CFAP58: variants seen among roughly 807,000 people sequenced by gnomAD.
CFAP58 encodes cilia and flagella associated protein 58.
Under a neutral mutation model 119.5 loss-of-function variants are expected in CFAP58, and 88 were observed. The observed-to-expected ratio is 0.74, with a 90% CI of 0.62 to 0.88. CFAP58 has a LOEUF of 0.88. CFAP58 is among the 40% of genes least tolerant of loss of function. The pLI is 0.00. For synonymous variants in CFAP58, 365 were observed against 366.3 expected, an observed-to-expected ratio of 1.00 and a Z score of 0.04; for missense variants, 990 against 1,021.2, an observed-to-expected ratio of 0.97 and a Z score of 0.42.
At chr10:104,382,303 T>G in intron 9 of CFAP58, 1 of 664,282 alleles carries the variant, frequency 1.5e-6, no homozygotes, top group Middle Eastern at 2.6e-4. Context: ...AGTGTGGTCC[T>G]CCTTAGGGAG....
chr10:104,345,033 G>A, the CFAP58 span, among the ~76,000 whole-genome samples: 7 of 151,992 alleles, frequency 4.6e-5, no homozygotes, highest in Non-Finnish European at 7.4e-5. Context: ...CTATAGCCCA[G>A]CTACTCGGGA....
chr10:104,340,150 A>G, the CFAP58 span, among the ~76,000 whole-genome samples: 3 of 152,118 alleles, frequency 2.0e-5, no homozygotes, highest in African/African-American at 7.2e-5. Context: ...GTCTGTTCTA[A>G]GGTCCACCCT....
At chr10:104,441,283 G>A (rs1245859530) in intron 15 of CFAP58, among the ~76,000 whole-genome samples, 1 of 152,192 alleles carries the variant, frequency 6.6e-6, no homozygotes, top group African/African-American at 2.4e-5. Context: ...GATTACAGGC[G>A]TGAGCCACCG....
chr10:104,388,539 C>T (rs572277783), intron 9 of CFAP58, among the ~76,000 whole-genome samples: 11 of 152,242 alleles, frequency 7.2e-5, no homozygotes, highest in Non-Finnish European at 1.2e-4. Context: ...CAAGCCAGGG[C>T]GCATAGTTGT....
intron 1 of CFAP58, among the ~76,000 whole-genome samples, chr10:104,355,067 C>T (rs2014525824): frequency 1.3e-5 from 2 of 152,238 alleles, no homozygotes; most frequent in African/African-American, 2.4e-5. Flanking sequence ...ATCCATCTTC[C>T]TCACGCCTGG....
chr10:104,449,560 G>A (rs2013163149), intron 16 of CFAP58, among the ~76,000 whole-genome samples: 1 of 152,250 alleles, frequency 6.6e-6, no homozygotes, highest in South Asian at 2.1e-4. Flanking sequence ...GAGGGGATAG[G>A]CATTCAGCAG....
At chr10:104,386,387 A>AT (rs902152307) in intron 9 of CFAP58, among the ~76,000 whole-genome samples, 75 of 148,514 alleles carry the variant, frequency 5.1e-4, no homozygotes, top group African/African-American at 1.2e-3. Flanking sequence ...CAAAAAAAAA[A>AT]AAATAAATAA....
At chr10:104,355,431 C>T (rs184161167) in intron 1 of CFAP58, among the ~76,000 whole-genome samples, 2 of 152,298 alleles carry the variant, frequency 1.3e-5, no homozygotes, top group African/African-American at 2.4e-5. Flanking sequence ...TTTCCATTTC[C>T]CTCTTTCTGT....
intron 7 of CFAP58, among the ~76,000 whole-genome samples, chr10:104,375,989 A>G (rs1055681693): frequency 2.0e-5 from 3 of 152,022 alleles, no homozygotes; most frequent in Non-Finnish European, 4.4e-5. Flanking sequence ...TTCTTATTGG[A>G]CCTAAAAGGG....
At chr10:104,358,022 T>C (rs532133064) in intron 1 of CFAP58, among the ~76,000 whole-genome samples, 1,706 of 76,626 alleles carry the variant, frequency 0.022, 95 homozygotes, top group African/African-American at 0.069. Flanking sequence ...TATATGTACA[T>C]ATATATACAT....
chr10:104,374,846 C>CAAAAA (rs56074829), intron 7 of CFAP58, among the ~76,000 whole-genome samples: 1 of 101,518 alleles, frequency 9.9e-6, no homozygotes, highest in African/African-American at 3.8e-5. Context: ...CTTATAACTG[C>CAAAAA]AAAAAAAAAA....
At chr10:104,381,418 A>T (rs1168852694) in intron 9 of CFAP58, among the ~76,000 whole-genome samples, 1 of 152,114 alleles carries the variant, frequency 6.6e-6, no homozygotes, top group East Asian at 1.9e-4. Flanking sequence ...TGGTCTAGGA[A>T]TGGGGTGGGA....
intron 2 of CFAP58, 26 bp downstream of exon 2, chr10:104,358,648 G>T: frequency 6.3e-7 from 1 of 1,590,094 alleles, no homozygotes; most frequent in Non-Finnish European, 8.6e-7. Flanking sequence ...GAAATGGAAT[G>T]AACCTGAATT....
chr10:104,454,652 T>C lies in CFAP58; in HGVS notation c.*122T>C, dbSNP rs947504079. The C allele has an allele frequency of 2.4e-5, 17 of 708,730 alleles. No individual in the cohort carries two copies. Among genetic ancestry groups the C allele is most frequent in the Non-Finnish European group, 3.7e-5 (15 of 402,020 alleles). The allele number at this position is 708,730 out of a possible 1,614,324, so 43.9% of individuals were successfully genotyped here. A position where few individuals can be genotyped will look rare whatever the true frequency, so the allele number is the denominator to read the frequency against. Reference sequence around the variant, plus strand: ...GCTGAGAATCCAGGATGGAAAGAAATGCAGAACTATCATAGTCACATACAT... The same window carrying C: ...GCTGAGAATCCAGGATGGAAAGAAACGCAGAACTATCATAGTCACATACAT... On this transcript the variant is annotated 3_prime_UTR_variant, in exon 18 of 18. Coordinates refer to ENST00000369704, the MANE Select transcript of CFAP58 (RefSeq NM_001008723.2).
Position 104,394,219 on chromosome 10 carries a change from A to G in CFAP58, c.1674+744A>G, listed in dbSNP as rs568740659. ...TTCACTATACACACCACTAAACCTA[A>G]TGTATTTTTCTTTTTCCTATCCAGT... is the stretch of plus-strand genomic sequence containing the variant. On this transcript the variant is annotated intron_variant, in intron 11 of 17. Transcript: ENST00000369704. Among the ~76,000 whole-genome samples, 11 of 152,318 alleles carry G rather than the reference A, an allele frequency of 7.2e-5. No individual in the cohort carries two copies. In the East Asian group the frequency reaches 1.9e-3, roughly 27 times the overall value.
At chr10:104,379,587 T>C (rs1564885285) in intron 8 of CFAP58, among the ~76,000 whole-genome samples, 3 of 152,208 alleles carry the variant, frequency 2.0e-5, no homozygotes, top group Admixed American at 1.3e-4. Flanking sequence ...TATCTTCCTT[T>C]GTAATCAAAG....
intron 16 of CFAP58, 37 bp from the exon 17 acceptor site, chr10:104,450,033 TG>T: frequency 6.4e-7 from 1 of 1,572,272 alleles, no homozygotes; most frequent in Non-Finnish European, 8.6e-7. Context: ...AAAAGGATAT[TG>T]TATCTTTTGT....
intron 17 of CFAP58, among the ~76,000 whole-genome samples, chr10:104,451,574 CTAA>C (rs1369338056): frequency 6.6e-6 from 1 of 152,162 alleles, no homozygotes; most frequent in African/African-American, 2.4e-5. Flanking sequence ...TTCAGAACCA[CTAA>C]TATTAACAAT....
chr10:104,403,471 G>A (rs61861172), intron 13 of CFAP58, among the ~76,000 whole-genome samples: 5,900 of 149,722 alleles, frequency 0.039, 174 homozygotes, highest in Middle Eastern at 0.12. Flanking sequence ...TAAATTTATT[G>A]AGTATCCAGA....
Sources: gnomAD v4.1 joint callset for allele counts (sites outside exome capture counted in the v4.1 genomes callset) on GRCh38, gnomAD v4.1.1 for gene constraint, MANE v1.5 for transcripts, NCBI Gene and HGNC (gene_info 2026-07-23, HGNC 2026-07-21) for gene names.